Variants in TYR observed in about 807,000 individuals in gnomAD.
TYR encodes tyrosinase, also known as LB24-AB.
Under a neutral mutation model 51.5 loss-of-function variants are expected in TYR, and 58 were observed. That is an observed-to-expected ratio of 1.13 (90% confidence interval 0.91 to 1.40). TYR has a LOEUF of 1.40. Among genes scored for constraint, TYR ranks in the 40% most tolerant of loss-of-function variants. The probability of loss-of-function intolerance (pLI) is 0.00; values close to 1 mark genes in which losing one functional copy is unlikely to be tolerated. For synonymous variants in TYR, 263 were observed against 235.2 expected, an observed-to-expected ratio of 1.12 and a Z score of -1.08; for missense variants, 732 against 647.4, an observed-to-expected ratio of 1.13 and a Z score of -1.42.
At chr11:89,192,824 G>A (rs1416866340) in intron 2 of TYR, among the ~76,000 whole-genome samples, 2 of 152,154 alleles carry the variant, frequency 1.3e-5, no homozygotes, top group Non-Finnish European at 1.5e-5. Flanking sequence ...GAGGAAGATT[G>A]TATTTATTAT....
chr11:89,201,066 A>C (rs1327652338), intron 2 of TYR, among the ~76,000 whole-genome samples: 1 of 152,180 alleles, frequency 6.6e-6, no homozygotes, highest in Non-Finnish European at 1.5e-5. Flanking sequence ...ATGTTAAAAT[A>C]TCTCATTATA....
At chr11:89,216,129 T>C (rs1170801519) in intron 2 of TYR, among the ~76,000 whole-genome samples, 1 of 152,150 alleles carries the variant, frequency 6.6e-6, no homozygotes, top group Admixed American at 6.5e-5. Context: ...TGTGAAAGCT[T>C]ATGAACCTGG....
At chr11:89,250,114 T>C (rs952164679) in intron 3 of TYR, among the ~76,000 whole-genome samples, 25 of 152,074 alleles carry the variant, frequency 1.6e-4, no homozygotes, top group African/African-American at 5.3e-4. Flanking sequence ...GAAAACAATA[T>C]TAGACAAATC....
rs552944057 is a variant in TYR at position 89,190,361 on chromosome 11, C to CT, written c.820-838dup. 3.7e-3 allele frequency among the ~76,000 whole-genome samples: 568 copies of CT among 152,198 alleles called. 4 individuals carry two copies. The highest frequency in any genetic ancestry group is 0.013 in the African/African-American group (548 of 41,556). On this transcript the variant is annotated intron_variant, in intron 1 of 4. Coordinates refer to ENST00000263321, the MANE Select transcript of TYR (RefSeq NM_000372.5). ...AGGTGGAAGACAATGATATTGACAA[C>CT]TTTGACTCTGTGTAGGCCTATGCTA...
chr11:89,218,774 T>TG (rs1293826279), intron 2 of TYR, among the ~76,000 whole-genome samples: 1 of 152,208 alleles, frequency 6.6e-6, no homozygotes, highest in African/African-American at 2.4e-5. Flanking sequence ...ACTGAGATTC[T>TG]GATAATTTAT....
chr11:89,203,746 C>T (rs1231569852), intron 2 of TYR, among the ~76,000 whole-genome samples: 2 of 151,980 alleles, frequency 1.3e-5, no homozygotes, highest in Non-Finnish European at 1.5e-5. Flanking sequence ...CCCAGAGGTA[C>T]AAACAAAAGT....
intron 2 of TYR, among the ~76,000 whole-genome samples, chr11:89,209,654 C>T (rs1312961785): frequency 1.3e-5 from 2 of 152,202 alleles, no homozygotes; most frequent in African/African-American, 4.8e-5. Context: ...CAGACGGCCT[C>T]CTCAAGTGGG....
At chr11:89,216,324 C>A (rs1428148487) in intron 2 of TYR, among the ~76,000 whole-genome samples, 2 of 152,118 alleles carry the variant, frequency 1.3e-5, no homozygotes, top group African/African-American at 4.8e-5. Flanking sequence ...GAGGTTCTAT[C>A]TGCCATTCAT....
intron 3 of TYR, among the ~76,000 whole-genome samples, chr11:89,238,301 A>G (rs1944145920): frequency 6.6e-6 from 1 of 152,238 alleles, no homozygotes; most frequent in African/African-American, 2.4e-5. Context: ...AACTAATGGT[A>G]TATATTTAGT....
chr11:89,178,436 T>C lies in TYR; in HGVS notation c.483T>C (p.Asn161=), dbSNP rs761482859. ...TAGGGACCTATGGCCAAATGAAAAA[T>C]GGATCAACACCCATGTTTAACGACA... ...IPIGTYGQMK[N]GSTPMFNDIN... is the part of the protein sequence containing the mutation. The change falls in exon 1 of 5, where the codon AAT becomes AAC. Residue 161 remains asparagine (N), a synonymous_variant. Coordinates refer to ENST00000263321, the MANE Select transcript of TYR (RefSeq NM_000372.5). 4 of 1,613,938 alleles carry C rather than the reference T, an allele frequency of 2.5e-6. No individual in the cohort carries two copies. In the Admixed American group the frequency reaches 5.0e-5, roughly 20 times the overall value.
At chr11:89,213,282 A>G (rs777971772) in intron 2 of TYR, among the ~76,000 whole-genome samples, 4 of 152,208 alleles carry the variant, frequency 2.6e-5, no homozygotes, top group African/African-American at 9.6e-5. Flanking sequence ...AAGCATTCCT[A>G]TATACCAATA....
chr11:89,190,550 G>A (rs1943429230), intron 1 of TYR, among the ~76,000 whole-genome samples: 1 of 151,878 alleles, frequency 6.6e-6, no homozygotes, highest in South Asian at 2.1e-4. Flanking sequence ...GACTCAAAAA[G>A]TTTTAAAAAA....
intron 3 of TYR, among the ~76,000 whole-genome samples, chr11:89,271,601 G>A (rs1310024573): frequency 6.6e-6 from 1 of 151,898 alleles, no homozygotes; most frequent in Admixed American, 6.6e-5. Flanking sequence ...GATGGCTGCT[G>A]AAGTTTGGAG....
intron 2 of TYR, among the ~76,000 whole-genome samples, chr11:89,222,661 C>T (rs1943927571): frequency 2.0e-5 from 3 of 152,042 alleles, no homozygotes; most frequent in Non-Finnish European, 2.9e-5. Flanking sequence ...ATCACTTGAA[C>T]CCAGGAGGTG....
chr11:89,264,813 A>T (rs1273219626), intron 3 of TYR, among the ~76,000 whole-genome samples: 2 of 151,474 alleles, frequency 1.3e-5, no homozygotes, highest in Admixed American at 6.6e-5. Flanking sequence ...TCAAGCCCTA[A>T]TATTTGTGAA....
chr11:89,233,198 T>A lies in TYR; in HGVS notation c.1184+5228T>A, dbSNP rs548276512. Among the ~76,000 whole-genome samples the A allele has an allele frequency of 1.3e-4, 19 of 143,246 alleles. 4 individuals carry two copies. The East Asian group carries it at 3.4e-3, about 26-fold the overall frequency. The allele number at this position is 143,246 out of a possible 152,430, so 94.0% of individuals were successfully genotyped here. A position where few individuals can be genotyped will look rare whatever the true frequency, so the allele number is the denominator to read the frequency against. Reference sequence around the variant, plus strand: ...GTATCTTCACCAGGAGTAGATTCCATCTCAAGAAACTACTTTCTTTTTTTA... The same window carrying A: ...GTATCTTCACCAGGAGTAGATTCCAACTCAAGAAACTACTTTCTTTTTTTA... On this transcript the variant is annotated intron_variant, in intron 3 of 4. Transcript: ENST00000263321.
intron 2 of TYR, among the ~76,000 whole-genome samples, chr11:89,219,375 C>A (rs1943877470): frequency 2.0e-5 from 3 of 151,062 alleles, no homozygotes; most frequent in African/African-American, 7.3e-5. Context: ...TGGCTCTCTG[C>A]AACCTGTGTC....
chr11:89,227,055 T>C (rs543489591), intron 2 of TYR, among the ~76,000 whole-genome samples: 1 of 152,208 alleles, frequency 6.6e-6, no homozygotes, highest in South Asian at 2.1e-4. Context: ...TCTACCTGGG[T>C]AGCTTGGTAA....
chr11:89,194,951 A>G (rs1943495518), intron 2 of TYR, among the ~76,000 whole-genome samples: 1 of 152,132 alleles, frequency 6.6e-6, no homozygotes, highest in Admixed American at 6.6e-5. Flanking sequence ...GTTTTCTTTC[A>G]TTGGGAAGGA....
Sources: allele counts gnomAD v4.1 joint callset (sites outside exome capture counted in the v4.1 genomes callset), GRCh38; gene constraint gnomAD v4.1.1; transcripts MANE v1.5; gene names NCBI Gene and HGNC (gene_info 2026-07-23, HGNC 2026-07-21).